The following ATP8A2 variants were observed in gnomAD, a reference collection of about 807,000 sequenced individuals.
The protein encoded by ATP8A2 is phospholipid-transporting ATPase IB.
ATP8A2 carries 100 observed loss-of-function variants against 165.6 expected under a neutral mutation model. The observed-to-expected ratio is 0.60, with a 90% CI of 0.51 to 0.71. ATP8A2 has a LOEUF of 0.71. Ranked by LOEUF, ATP8A2 falls within the 30% of genes least tolerant of loss-of-function variation. The pLI is 0.00. For missense variants in ATP8A2, 1,227 were observed against 1,479.5 expected, an observed-to-expected ratio of 0.83 and a Z score of 2.80; for synonymous variants, 543 against 548.8, an observed-to-expected ratio of 0.99 and a Z score of 0.15.
intron 26 of ATP8A2, among the ~76,000 whole-genome samples, chr13:25,772,102 C>T (rs908823636): frequency 1.3e-4 from 20 of 152,234 alleles, no homozygotes; most frequent in African/African-American, 4.8e-4. Context: ...CATGGGCAGC[C>T]CAAGACCGAG....
intron 27 of ATP8A2, among the ~76,000 whole-genome samples, chr13:25,803,708 T>C (rs1284311347): frequency 6.6e-6 from 1 of 152,232 alleles, no homozygotes; most frequent in Non-Finnish European, 1.5e-5. Flanking sequence ...CCTGAAGGCT[T>C]TCCTAAGTTC....
chr13:25,646,290 T>G (rs1307408208), intron 24 of ATP8A2, among the ~76,000 whole-genome samples: 1 of 152,184 alleles, frequency 6.6e-6, no homozygotes, highest in Non-Finnish European at 1.5e-5. Context: ...CTCTTCACTT[T>G]CAGTCTATAT....
intron 6 of ATP8A2, among the ~76,000 whole-genome samples, chr13:25,535,801 C>T (rs1054426145): frequency 1.1e-4 from 16 of 151,862 alleles, no homozygotes; most frequent in African/African-American, 3.6e-4. Flanking sequence ...GGTGACAGAG[C>T]GAGACCCTGT....
intron 33 of ATP8A2, among the ~76,000 whole-genome samples, chr13:25,918,682 A>G (rs1360277094): frequency 2.0e-5 from 3 of 152,194 alleles, no homozygotes; most frequent in Non-Finnish European, 2.9e-5. Flanking sequence ...TGCACAAGTC[A>G]ACACATAGAA....
At chr13:25,745,259 G>A (rs2044005856) in intron 25 of ATP8A2, among the ~76,000 whole-genome samples, 1 of 152,060 alleles carries the variant, frequency 6.6e-6, no homozygotes, top group African/African-American at 2.4e-5. Context: ...TTCTGACTCG[G>A]CTTAGGAATT....
intron 2 of ATP8A2, among the ~76,000 whole-genome samples, chr13:25,478,533 A>G (rs1277749461): frequency 1.3e-5 from 2 of 152,210 alleles, no homozygotes; most frequent in African/African-American, 2.4e-5. Flanking sequence ...GGTCATTCAA[A>G]TGCTGACCCA....
chr13:25,518,856 T>C (rs889199825), intron 2 of ATP8A2, among the ~76,000 whole-genome samples: 2 of 152,164 alleles, frequency 1.3e-5, no homozygotes, highest in Non-Finnish European at 2.9e-5. Context: ...AACATACATG[T>C]AACAAGATCC....
chr13:25,513,902 G>A (rs1363676350), intron 2 of ATP8A2, among the ~76,000 whole-genome samples: 1 of 149,080 alleles, frequency 6.7e-6, no homozygotes, highest in Non-Finnish European at 1.5e-5. Context: ...GCCGAGATGG[G>A]AGCAGTAAAG....
chr13:25,430,671 C>T (rs770485625), intron 1 of ATP8A2, among the ~76,000 whole-genome samples: 69 of 152,054 alleles, frequency 4.5e-4, no homozygotes, highest in Non-Finnish European at 9.1e-4. Flanking sequence ...AATCTCGGCT[C>T]GCTGTAGCCT....
chr13:25,526,042 C>A (rs1480198676), intron 2 of ATP8A2, among the ~76,000 whole-genome samples: 3 of 151,810 alleles, frequency 2.0e-5, no homozygotes, highest in Non-Finnish European at 4.4e-5. Context: ...TGTCTTTGAG[C>A]TCATTTATTC....
chr13:25,893,833 G>A (rs1431092366), intron 33 of ATP8A2, among the ~76,000 whole-genome samples: 1 of 151,856 alleles, frequency 6.6e-6, no homozygotes, highest in Non-Finnish European at 1.5e-5. Context: ...GTGTTTTTTG[G>A]CTGCATAAAT....
intron 1 of ATP8A2, among the ~76,000 whole-genome samples, chr13:25,426,334 G>A (rs1018343797): frequency 3.3e-5 from 5 of 152,094 alleles, no homozygotes; most frequent in African/African-American, 1.2e-4. Context: ...GGTGGGGGAG[G>A]TGCCACACAC....
At chr13:25,396,049 G>A (rs983748070) in intron 1 of ATP8A2, among the ~76,000 whole-genome samples, 6 of 152,070 alleles carry the variant, frequency 3.9e-5, no homozygotes, top group East Asian at 1.9e-4. Context: ...TCACCATGTT[G>A]GCCAGGATGG....
At chr13:25,410,418 A>T (rs929392282) in intron 1 of ATP8A2, among the ~76,000 whole-genome samples, 1 of 152,162 alleles carries the variant, frequency 6.6e-6, no homozygotes, top group Non-Finnish European at 1.5e-5. Context: ...GTCATTACAT[A>T]CCTGCTTCTC....
chr13:25,806,334 G>A lies in ATP8A2; in HGVS notation c.2680-21784G>A, dbSNP rs371577446. ...AGCTTTAGCATGATCTGTGGGTGGA[G>A]TTTTTTGGCCCTCTGGCTTCAAAAG... is the stretch of plus-strand genomic sequence containing the variant. On this transcript the variant is annotated intron_variant, in intron 27 of 36. Coordinates refer to ENST00000381655, the MANE Select transcript of ATP8A2 (RefSeq NM_016529.6). 7.7e-4 allele frequency among the ~76,000 whole-genome samples: 117 copies of A among 152,168 alleles called. 1 individual carries two copies. The highest frequency in any genetic ancestry group is 3.1e-3 in the South Asian group (15 of 4,822).
chr13:25,479,557 A>G (rs2036097921), intron 2 of ATP8A2, among the ~76,000 whole-genome samples: 1 of 151,970 alleles, frequency 6.6e-6, no homozygotes, highest in East Asian at 1.9e-4. Flanking sequence ...TGGCAGGGTC[A>G]TAGGACAATA....
At chr13:25,529,312 C>T (rs2137896876) in intron 2 of ATP8A2, among the ~76,000 whole-genome samples, 1 of 152,268 alleles carries the variant, frequency 6.6e-6, no homozygotes, top group African/African-American at 2.4e-5. Flanking sequence ...CTGCTATGTG[C>T]TAGGAACATA....
intron 24 of ATP8A2, among the ~76,000 whole-genome samples, chr13:25,593,979 C>T (rs925783829): frequency 1.8e-4 from 27 of 152,198 alleles, no homozygotes; most frequent in African/African-American, 6.5e-4. Flanking sequence ...ATAGTTAAAA[C>T]AGTGATCTGA....
At chr13:25,791,032 T>C (rs1809682847) in intron 27 of ATP8A2, among the ~76,000 whole-genome samples, 1 of 152,160 alleles carries the variant, frequency 6.6e-6, no homozygotes, top group Non-Finnish European at 1.5e-5. Flanking sequence ...CATTACTGGA[T>C]GGATACATAC....
Sources: allele counts gnomAD v4.1 joint callset (sites outside exome capture counted in the v4.1 genomes callset), GRCh38; gene constraint gnomAD v4.1.1; transcripts MANE v1.5; gene names NCBI Gene and HGNC (gene_info 2026-07-23, HGNC 2026-07-21).